CNTN1: variants seen among roughly 807,000 people sequenced by gnomAD.
CNTN1 encodes the protein contactin-1.
In CNTN1, 38 loss-of-function variants were observed where a neutral mutation model predicts 126.4. That is an observed-to-expected ratio of 0.30 (90% CI 0.23 to 0.39). The LOEUF (loss-of-function observed/expected upper bound fraction) is 0.39. Among genes scored for constraint, CNTN1 ranks in the 10% least tolerant of loss-of-function variants. The pLI, the probability that CNTN1 is intolerant of heterozygous loss-of-function variation, is 1.00. For synonymous variants in CNTN1, 413 were observed against 422.6 expected, an observed-to-expected ratio of 0.98 and a Z score of 0.28; for missense variants, 1,009 against 1,248.4, an observed-to-expected ratio of 0.81 and a Z score of 2.89.
At chr12:41,039,452 A>G (rs762858238) in intron 23 of CNTN1, among the ~76,000 whole-genome samples, 58 of 152,200 alleles carry the variant, frequency 3.8e-4, no homozygotes, top group Non-Finnish European at 6.6e-4. Context: ...GACCAGCACA[A>G]TCATCTCCTG....
Position 40,939,430 on chromosome 12 carries a change from C to T in CNTN1, c.1324C>T (p.Pro442Ser). 1 of 1,613,868 alleles carries T rather than the reference C, an allele frequency of 6.2e-7. No individual in the cohort carries two copies. The highest frequency in any genetic ancestry group is 1.3e-5 in the African/African-American group (1 of 75,004). ...AATTGAATGCAAACCTAAAGCTGCA[C>T]CGAAACCAAAGTTTTCATGGAGTAA... ...VIIECKPKAAPKPKFSWSKGT... is the reference protein window; with the variant it reads ...VIIECKPKAASKPKFSWSKGT... Residue 442 changes from proline to serine, a missense_variant, in exon 12 of 24, where the codon CCG becomes TCG. Transcript: ENST00000551295.
intron 1 of CNTN1, among the ~76,000 whole-genome samples, chr12:40,784,977 C>T: frequency 6.6e-6 from 1 of 151,846 alleles, no homozygotes. Flanking sequence ...GTAGTGTGAA[C>T]CTAAATTCAA....
intron 1 of CNTN1, among the ~76,000 whole-genome samples, chr12:40,902,497 T>A (rs12581051): frequency 7.9e-5 from 12 of 152,208 alleles, no homozygotes; most frequent in South Asian, 2.1e-4. Flanking sequence ...AATATTTTTT[T>A]AAAAAATGAA....
intron 1 of CNTN1, among the ~76,000 whole-genome samples, chr12:40,784,659 G>T (rs1281925493): frequency 1.3e-5 from 2 of 152,104 alleles, no homozygotes; most frequent in African/African-American, 4.8e-5. Flanking sequence ...GCCCAAGTTG[G>T]AGACTGATAG....
chr12:40,831,015 T>C (rs1325390164), intron 1 of CNTN1, among the ~76,000 whole-genome samples: 1 of 140,520 alleles, frequency 7.1e-6, no homozygotes, highest in Non-Finnish European at 1.5e-5. Flanking sequence ...AGTTAATATA[T>C]AGTATAGTAT....
chr12:40,878,031 C>A (rs1258175721), intron 1 of CNTN1, among the ~76,000 whole-genome samples: 1 of 83,738 alleles, frequency 1.2e-5, no homozygotes, highest in Non-Finnish European at 2.3e-5. Context: ...GAGTTTTGCT[C>A]TTGTTGCCCA....
rs141527972 is a variant in CNTN1 at position 40,911,373 on chromosome 12, C to A, written c.94+1268C>A. Among the ~76,000 whole-genome samples the A allele has an allele frequency of 2.0e-4, 30 of 152,300 alleles. No homozygotes were observed. In the East Asian group the frequency reaches 5.4e-3, roughly 27 times the overall value. On this transcript the variant is annotated intron_variant, in intron 3 of 23. Transcript: ENST00000551295. ...AGGATTACAGGCGTGAGCCACCGTGCCCGGCCGCAAAAGGCACTTCTTACA... is the reference window on the plus strand; with the variant it reads ...AGGATTACAGGCGTGAGCCACCGTGACCGGCCGCAAAAGGCACTTCTTACA...
At chr12:40,789,243 A>T (rs549038732) in intron 1 of CNTN1, among the ~76,000 whole-genome samples, 85 of 152,264 alleles carry the variant, frequency 5.6e-4, no homozygotes, top group Non-Finnish European at 5.1e-4. Flanking sequence ...TTTCTAATCC[A>T]ACTATTTGCA....
chr12:40,695,301 C>T (rs1390172218), intron 1 of CNTN1, among the ~76,000 whole-genome samples: 8 of 152,124 alleles, frequency 5.3e-5, no homozygotes, highest in African/African-American at 1.9e-4. Flanking sequence ...TGGGAGGAAA[C>T]TTCCTCTGGC....
At chr12:40,942,031 A>G (rs138188473) in intron 12 of CNTN1, among the ~76,000 whole-genome samples, 1 of 152,178 alleles carries the variant, frequency 6.6e-6, no homozygotes, top group Admixed American at 6.6e-5. Flanking sequence ...ATTGAAAACT[A>G]ACATAAGTAA....
intron 1 of CNTN1, among the ~76,000 whole-genome samples, chr12:40,758,426 G>T (rs760311499): frequency 6.6e-6 from 1 of 151,568 alleles, no homozygotes; most frequent in East Asian, 1.9e-4. Flanking sequence ...GGTCTTTTTC[G>T]AAGTAAAAAT....
In CNTN1 at chr12:40,844,069, A is replaced by ATTTTTTTTTTTTT. The variant is rs397957366; in HGVS notation, c.-76-64284_-76-64272dup. 1.8e-3 allele frequency among the ~76,000 whole-genome samples: 153 copies of ATTTTTTTTTTTTT among 84,616 alleles called. 30 individuals are homozygous for ATTTTTTTTTTTTT. The highest frequency in any genetic ancestry group is 2.4e-3 in the African/African-American group (60 of 24,720). The allele number at this position is 84,616 out of a possible 152,430, so 55.5% of individuals were successfully genotyped here. ...ATTGAAAAAATTCTTTGGCACAATG[A>ATTTTTTTTTTTTT]TTTTTTTTTTTTTTTTGAGACGGAG... On this transcript the variant is annotated intron_variant, in intron 1 of 23. Coordinates refer to ENST00000551295, the MANE Select transcript of CNTN1 (RefSeq NM_001843.4).
chr12:40,975,107 C>A (rs774563590), intron 15 of CNTN1, among the ~76,000 whole-genome samples: 1 of 149,720 alleles, frequency 6.7e-6, no homozygotes, highest in African/African-American at 2.4e-5. Flanking sequence ...CATCTCTGTA[C>A]TCTGTCACTG....
chr12:40,933,891 T>C lies in CNTN1; in HGVS notation c.985+13T>C, dbSNP rs1364607796. On this transcript the variant is annotated intron_variant, in intron 9 of 23. Transcript: ENST00000551295. ...ATTTATGTTCAAGGTAGATACATTA[T>C]TTTAATTTTGTATAAATTTCATCAG... is the stretch of plus-strand genomic sequence containing the variant. 1.3e-6 allele frequency: 2 copies of C among 1,599,810 alleles called. No individual in the cohort carries two copies. Among genetic ancestry groups the C allele is most frequent in the African/African-American group, 1.3e-5 (1 of 74,584 alleles).
chr12:40,812,146 CA>C, intron 1 of CNTN1, among the ~76,000 whole-genome samples: 1 of 151,898 alleles, frequency 6.6e-6, no homozygotes, highest in East Asian at 1.9e-4. Context: ...TTCTTTGACT[CA>C]TTGGTTATTC....
chr12:40,830,934 T>TAC (rs1314187702), intron 1 of CNTN1, among the ~76,000 whole-genome samples: 1 of 20,654 alleles, frequency 4.8e-5, no homozygotes, highest in Non-Finnish European at 1.0e-4. Context: ...CATATACATA[T>TAC]ACATATATAT....
In CNTN1 at chr12:41,016,803, A is replaced by G. The variant is rs1948791436; in HGVS notation, c.2306A>G (p.His769Arg). 6.2e-7 allele frequency: 1 copy of G among 1,614,186 alleles called. No individual in the cohort carries two copies. Among genetic ancestry groups the G allele is most frequent in the Non-Finnish European group, 8.5e-7 (1 of 1,180,018 alleles). ...VTNPDTGRYV[H>R]KDETMSPSTA... ...AATCCTGATACTGGCCGATATGTCCATAAAGATGAAACCATGAGCCCTTCC... is the reference window on the plus strand; with the variant it reads ...AATCCTGATACTGGCCGATATGTCCGTAAAGATGAAACCATGAGCCCTTCC... Residue 769 changes from histidine to arginine, a missense_variant, in exon 19 of 24, where the codon CAT (histidine) becomes CGT (arginine). Transcript: ENST00000551295.
intron 1 of CNTN1, among the ~76,000 whole-genome samples, chr12:40,892,207 A>G (rs777441619): frequency 2.6e-5 from 4 of 152,094 alleles, no homozygotes; most frequent in Non-Finnish European, 4.4e-5. Context: ...CTGAAGGTGA[A>G]TGATGTATAG....
chr12:40,973,463 G>A (rs1345544854), intron 15 of CNTN1, among the ~76,000 whole-genome samples: 4 of 152,000 alleles, frequency 2.6e-5, no homozygotes, highest in Non-Finnish European at 5.9e-5. Flanking sequence ...TAAAAAGGGA[G>A]GATAAATTGT....
Sources: gnomAD v4.1 joint callset for allele counts (sites outside exome capture counted in the v4.1 genomes callset) on GRCh38, gnomAD v4.1.1 for gene constraint, MANE v1.5 for transcripts, NCBI Gene and HGNC (gene_info 2026-07-23, HGNC 2026-07-21) for gene names.